The following HTR7 variants were observed in gnomAD, a reference collection of about 807,000 sequenced individuals.
The protein encoded by HTR7 is 5-HT-7.
HTR7 carries 16 observed loss-of-function variants against 34.0 expected under a neutral mutation model. That is an observed-to-expected ratio of 0.47 (90% CI 0.32 to 0.71). The LOEUF (loss-of-function observed/expected upper bound fraction) is 0.71, where lower values mean the gene tolerates loss of function less well. Among genes scored for constraint, HTR7 ranks in the 30% least tolerant of loss-of-function variants. The pLI is 0.04. For missense variants in HTR7, 504 were observed against 625.5 expected (o/e 0.81, Z 2.07); for synonymous variants, 265 against 260.2 (o/e 1.02, Z -0.18).
intron 1 of HTR7, among the ~76,000 whole-genome samples, chr10:90,788,174 G>A (rs1845409709): frequency 6.6e-6 from 1 of 152,030 alleles, no homozygotes; most frequent in East Asian, 1.9e-4. Context: ...AATTACCTGG[G>A]TAACTCAGGT....
At chr10:90,780,406 G>A (rs904818901) in intron 1 of HTR7, among the ~76,000 whole-genome samples, 5 of 151,760 alleles carry the variant, frequency 3.3e-5, no homozygotes, top group African/African-American at 4.8e-5. Context: ...GCGTGGTGGC[G>A]GGCACTTGTA....
At chr10:90,804,085 T>C (rs903201125) in intron 1 of HTR7, among the ~76,000 whole-genome samples, 10 of 152,184 alleles carry the variant, frequency 6.6e-5, no homozygotes, top group African/African-American at 2.4e-4. Context: ...AAGGAGCAAC[T>C]GAGCATCAGA....
At position 90,828,238 on chromosome 10, in the gene HTR7, A is replaced by G. The variant is rs564986951; in HGVS notation, c.539+28895T>C. Among the ~76,000 whole-genome samples the G allele has an allele frequency of 5.3e-5, 8 of 152,352 alleles. No individual in the cohort carries two copies. In the East Asian group the frequency reaches 1.3e-3, roughly 26 times the overall value. ...AGTAATAAGAGAGAAGTTTATAGTT[A>G]TAAGTGCCTACATAAAAAAAGTAGA... On this transcript the variant is annotated intron_variant, in intron 1 of 3. Transcript: ENST00000336152.
intron 1 of HTR7, among the ~76,000 whole-genome samples, chr10:90,798,737 GTGACAGAGATC>G (rs1475029677): frequency 6.6e-6 from 1 of 152,148 alleles, no homozygotes; most frequent in African/African-American, 2.4e-5. Flanking sequence ...AACTGAGAAA[GTGACAGAGATC>G]TGACCTAACC....
intron 1 of HTR7, among the ~76,000 whole-genome samples, chr10:90,767,260 A>G (rs1025952182): frequency 1.3e-5 from 2 of 152,198 alleles, no homozygotes; most frequent in African/African-American, 4.8e-5. Flanking sequence ...GCCTAGGGGT[A>G]AACCCTACTT....
intron 1 of HTR7, among the ~76,000 whole-genome samples, chr10:90,850,009 T>G (rs960645787): frequency 2.0e-5 from 3 of 152,182 alleles, no homozygotes; most frequent in Non-Finnish European, 4.4e-5. Context: ...GGGCTAAGGA[T>G]CCAGGTAAAG....
chr10:90,757,521 C>T (rs1184932119), intron 1 of HTR7, among the ~76,000 whole-genome samples: 1 of 152,172 alleles, frequency 6.6e-6, no homozygotes, highest in Non-Finnish European at 1.5e-5. Flanking sequence ...CCTTAACAAA[C>T]TTCACTCAGC....
intron 1 of HTR7, among the ~76,000 whole-genome samples, chr10:90,840,228 G>A (rs1846308658): frequency 6.8e-6 from 1 of 147,104 alleles, no homozygotes; most frequent in South Asian, 2.2e-4. Context: ...TGGCCTCTCT[G>A]TTAGAGCTCA....
At chr10:90,793,774 G>A (rs1589452582) in intron 1 of HTR7, among the ~76,000 whole-genome samples, 1 of 152,072 alleles carries the variant, frequency 6.6e-6, no homozygotes, top group Admixed American at 6.6e-5. Context: ...TCAAAAATAG[G>A]GAAGCTCGAC....
intron 1 of HTR7, among the ~76,000 whole-genome samples, chr10:90,765,481 C>T (rs1845006744): frequency 6.6e-6 from 1 of 151,066 alleles, no homozygotes; most frequent in Admixed American, 6.6e-5. Context: ...AAAAAACTAG[C>T]TCTGGTTTGT....
intron 1 of HTR7, among the ~76,000 whole-genome samples, chr10:90,796,421 T>C (rs149372049): frequency 6.6e-6 from 1 of 152,222 alleles, no homozygotes; most frequent in African/African-American, 2.4e-5. Flanking sequence ...AAAAGTAATT[T>C]GTGTGCTTTC....
chr10:90,749,532 T>C lies in HTR7; in HGVS notation c.602A>G (p.Lys201Arg). The change falls in exon 2 of 4, where the codon AAG becomes AGG. Residue 201 changes from lysine to arginine, a missense_variant. Transcript: ENST00000336152. This position sits in a 1 kb window ranked among gnomAD's most constrained non-coding sequence, Gnocchi z 4.2. ...PVRQNGKCMAKMILSVWLLSA... is the reference protein window; with the variant it reads ...PVRQNGKCMARMILSVWLLSA... ...GAGAAGCCAGACGGAGAGAATCATC[T>C]TCGCCATGCATTTCCCATTCTGCCT... 6.2e-7 allele frequency: 1 copy of C among 1,614,106 alleles called. No individual in the cohort carries two copies. Among genetic ancestry groups the C allele is most frequent in the Non-Finnish European group, 8.5e-7 (1 of 1,179,998 alleles).
chr10:90,775,768 C>T (rs1262049937), intron 1 of HTR7, among the ~76,000 whole-genome samples: 1 of 152,142 alleles, frequency 6.6e-6, no homozygotes, highest in African/African-American at 2.4e-5. Flanking sequence ...TTCAATTTTT[C>T]TTCAGTTACA....
intron 1 of HTR7, among the ~76,000 whole-genome samples, chr10:90,835,719 T>A (rs1846243562): frequency 6.6e-6 from 1 of 152,174 alleles, no homozygotes; most frequent in South Asian, 2.1e-4. Context: ...CCCAGAAATA[T>A]AAACAATTAC....
intron 1 of HTR7, among the ~76,000 whole-genome samples, chr10:90,834,384 C>CG (rs137911445): frequency 0.14 from 21,573 of 151,458 alleles, 1,881 homozygotes; most frequent in East Asian, 0.2. Flanking sequence ...AACATAAATT[C>CG]GGGGGGTGGG....
At chr10:90,822,060 G>T (rs1000479141) in intron 1 of HTR7, among the ~76,000 whole-genome samples, 1 of 152,070 alleles carries the variant, frequency 6.6e-6, no homozygotes, top group Non-Finnish European at 1.5e-5. Flanking sequence ...ACATAAAATT[G>T]GTACCAGGAG....
At chr10:90,754,235 A>G (rs938711753) in intron 1 of HTR7, among the ~76,000 whole-genome samples, 1 of 152,084 alleles carries the variant, frequency 6.6e-6, no homozygotes, top group African/African-American at 2.4e-5. Flanking sequence ...ATTAGAATAC[A>G]TTCATAAGTT....
intron 1 of HTR7, among the ~76,000 whole-genome samples, chr10:90,805,454 AG>A (rs1845690586): frequency 6.6e-6 from 1 of 152,216 alleles, no homozygotes; most frequent in African/African-American, 2.4e-5. Context: ...CTAAACCGCT[AG>A]GAAGTTTAAC....
At chr10:90,809,329 G>A (rs1048711226) in intron 1 of HTR7, among the ~76,000 whole-genome samples, 5 of 152,108 alleles carry the variant, frequency 3.3e-5, no homozygotes, top group Admixed American at 1.3e-4. Flanking sequence ...ATCAGATAGC[G>A]TTTAGGCTCT....
Sources: allele counts gnomAD v4.1 joint callset (sites outside exome capture counted in the v4.1 genomes callset), GRCh38; gene constraint gnomAD v4.1.1; non-coding constraint Gnocchi (gnomAD v3.1); transcripts MANE v1.5; gene names NCBI Gene and HGNC (gene_info 2026-07-23, HGNC 2026-07-21).